Variants in IL1RAPL1 observed in about 807,000 individuals in gnomAD.
IL1RAPL1 encodes interleukin 1 receptor accessory protein like 1.
Under a neutral mutation model 48.4 loss-of-function variants are expected in IL1RAPL1, and 3 were observed. The observed-to-expected ratio is 0.06, with a 90% confidence interval of 0.03 to 0.16. IL1RAPL1 has a LOEUF of 0.16. Among genes scored for constraint, IL1RAPL1 ranks in the 10% least tolerant of loss-of-function variants. The probability of loss-of-function intolerance (pLI) is 1.00; values close to 1 mark genes in which losing one functional copy is unlikely to be tolerated. For synonymous variants in IL1RAPL1, 185 were observed against 187.7 expected (o/e 0.99, Z 0.12); for missense variants, 349 against 530.6 (o/e 0.66, Z 3.36).
At chrX:29,201,106 A>G in intron 2 of IL1RAPL1, among the ~76,000 whole-genome samples, 1 of 111,569 alleles carries the variant, frequency 9.0e-6, no homozygotes, top group Non-Finnish European at 1.9e-5. Flanking sequence ...AAAAACAAGG[A>G]AAAATAGATA....
At chrX:29,774,548 T>A (rs2147153144) in intron 6 of IL1RAPL1, among the ~76,000 whole-genome samples, 1 of 112,533 alleles carries the variant, frequency 8.9e-6, no homozygotes, top group South Asian at 3.7e-4. Context: ...CTTTCCCTAG[T>A]TCAAATCCTA....
chrX:29,064,436 T>C (rs185108097), intron 2 of IL1RAPL1, among the ~76,000 whole-genome samples: 1 of 111,511 alleles, frequency 9.0e-6, no homozygotes, highest in Admixed American at 9.5e-5. Context: ...CCTGATGCTC[T>C]ATTATAAAGA....
At chrX:28,616,931 C>T (rs972317036) in intron 1 of IL1RAPL1, among the ~76,000 whole-genome samples, 3 of 112,165 alleles carry the variant, frequency 2.7e-5, no homozygotes, top group Admixed American at 9.4e-5. Flanking sequence ...GAATACAGAA[C>T]TACATCAGTC....
At chrX:29,678,597 T>A (rs1001453388) in intron 6 of IL1RAPL1, among the ~76,000 whole-genome samples, 2 of 108,277 alleles carry the variant, frequency 1.8e-5, no homozygotes, top group Non-Finnish European at 3.8e-5. Flanking sequence ...CTCGATCTCC[T>A]GACCTCGTGA....
At chrX:29,838,670 G>A (rs974448142) in intron 6 of IL1RAPL1, among the ~76,000 whole-genome samples, 1 of 111,899 alleles carries the variant, frequency 8.9e-6, no homozygotes, top group Admixed American at 9.5e-5. Context: ...GACTCAGATA[G>A]GCATAGGTAT....
chrX:29,802,886 TATGTATAC>T (rs1929996266), intron 6 of IL1RAPL1, among the ~76,000 whole-genome samples: 1 of 84,203 alleles, frequency 1.2e-5, no homozygotes, highest in Non-Finnish European at 2.2e-5. Context: ...TATATGTATA[TATGTATAC>T]ATATATATGT....
intron 6 of IL1RAPL1, among the ~76,000 whole-genome samples, chrX:29,904,193 C>T (rs372025127): frequency 1.7e-4 from 19 of 110,985 alleles, no homozygotes; most frequent in African/African-American, 5.9e-4. Flanking sequence ...GAAGAGGGTA[C>T]GGAAGAGCTG....
chrX:29,862,237 G>A (rs753233086), intron 6 of IL1RAPL1, among the ~76,000 whole-genome samples: 4 of 110,392 alleles, frequency 3.6e-5, no homozygotes, highest in Non-Finnish European at 7.6e-5. Context: ...AGGTCAGCAT[G>A]TGGGTGAATA....
At chrX:29,781,439 C>G (rs1466022676) in intron 6 of IL1RAPL1, among the ~76,000 whole-genome samples, 1 of 111,662 alleles carries the variant, frequency 9.0e-6, no homozygotes, top group African/African-American at 3.3e-5. Context: ...ACCTTTTCTG[C>G]CTTTGTGCCT....
intron 2 of IL1RAPL1, among the ~76,000 whole-genome samples, chrX:29,046,023 T>C (rs1926962011): frequency 1.1e-5 from 1 of 87,060 alleles, no homozygotes; most frequent in Non-Finnish European, 2.1e-5. Flanking sequence ...TTTTTCTTCT[T>C]CCTCTTCTTC....
intron 2 of IL1RAPL1, among the ~76,000 whole-genome samples, chrX:28,872,493 TAATG>T (rs763479375): frequency 2.7e-5 from 3 of 112,726 alleles, no homozygotes; most frequent in African/African-American, 9.7e-5. Flanking sequence ...TTCTTATAAT[TAATG>T]CTATTTTTAA....
At position 29,132,549 on chromosome X, in the gene IL1RAPL1, G is replaced by A. The variant is rs1357745644; in HGVS notation, c.83-150389G>A. Among the ~76,000 whole-genome samples, 4 of 112,043 alleles carry A rather than the reference G, an allele frequency of 3.6e-5. No individual in the cohort carries two copies. The Admixed American group carries it at 3.8e-4, about 11-fold the overall frequency. On this transcript the variant is annotated intron_variant, in intron 2 of 10. Coordinates refer to ENST00000378993, the MANE Select transcript of IL1RAPL1 (RefSeq NM_014271.4). ...AGTAGGCTCTACCATCTAGGTTTGT[G>A]TAAGTAGGCTCTGTGATGTTTGTAC...
chrX:28,739,686 C>T (rs904024234), intron 1 of IL1RAPL1, among the ~76,000 whole-genome samples: 1 of 111,205 alleles, frequency 9.0e-6, no homozygotes, highest in African/African-American at 3.3e-5. Flanking sequence ...ATTTTAGGTA[C>T]CTTATACTTT....
intron 5 of IL1RAPL1, among the ~76,000 whole-genome samples, chrX:29,522,353 G>A: frequency 9.1e-6 from 1 of 110,279 alleles, no homozygotes; most frequent in Non-Finnish European, 1.9e-5. Flanking sequence ...TAGCTACGAG[G>A]TCGCATTATA....
At chrX:28,634,754 T>C (rs963151592) in intron 1 of IL1RAPL1, among the ~76,000 whole-genome samples, 1 of 111,136 alleles carries the variant, frequency 9.0e-6, no homozygotes, top group Non-Finnish European at 1.9e-5. Context: ...TTTTATTCTT[T>C]CTATTTTTTT....
chrX:29,409,158 A>G (rs776398725), intron 5 of IL1RAPL1, among the ~76,000 whole-genome samples: 2 of 112,225 alleles, frequency 1.8e-5, no homozygotes, highest in East Asian at 2.8e-4. Context: ...CAGCCTAACA[A>G]TAATTGATGA....
At chrX:29,903,524 T>TGAAA (rs1555933686) in intron 6 of IL1RAPL1, among the ~76,000 whole-genome samples, 1 of 111,369 alleles carries the variant, frequency 9.0e-6, no homozygotes, top group South Asian at 3.8e-4. Context: ...TCTTTTTAAT[T>TGAAA]AAAAAAAGAG....
At chrX:29,438,691 C>CT (rs1184100407) in intron 5 of IL1RAPL1, among the ~76,000 whole-genome samples, 1 of 111,068 alleles carries the variant, frequency 9.0e-6, no homozygotes, top group Admixed American at 9.6e-5. Context: ...TTCCTGTTAT[C>CT]TTTTTTGTTA....
At chrX:28,717,020 G>A (rs902604449) in intron 1 of IL1RAPL1, among the ~76,000 whole-genome samples, 2 of 111,898 alleles carry the variant, frequency 1.8e-5, no homozygotes, top group Non-Finnish European at 3.8e-5. Flanking sequence ...TGAGGTTGTG[G>A]AGAAGAAAGA....
Sources: gnomAD v4.1 joint callset for allele counts (sites outside exome capture counted in the v4.1 genomes callset) on GRCh38, gnomAD v4.1.1 for gene constraint, MANE v1.5 for transcripts, NCBI Gene and HGNC (gene_info 2026-07-23, HGNC 2026-07-21) for gene names.